ZSCAN16: variants seen among roughly 807,000 people sequenced by gnomAD.
ZSCAN16 encodes the protein zinc finger and SCAN domain-containing protein 16.
Under a neutral mutation model 19.4 loss-of-function variants are expected in ZSCAN16, and 15 were observed. The observed-to-expected ratio is 0.77, with a 90% CI of 0.52 to 1.19. The LOEUF is 1.19. Ranked by LOEUF, ZSCAN16 falls within the 50% of genes most tolerant of loss-of-function variation. The probability of loss-of-function intolerance (pLI) is 0.00; values close to 1 mark genes in which losing one functional copy is unlikely to be tolerated. For synonymous variants in ZSCAN16, 138 were observed against 146.5 expected, an observed-to-expected ratio of 0.94 and a Z score of 0.42; for missense variants, 327 against 415.7, an observed-to-expected ratio of 0.79 and a Z score of 1.86.
At position 28,126,923 on chromosome 6, in the gene ZSCAN16, T is replaced by G; in HGVS notation, c.526+2T>G. ...AAGCTGGGAAACCACAAAGGAATGG[T>G]AAGCAGGAACAGTTCTGAGTGTATG... On this transcript the variant is annotated splice_donor_variant, in intron 3 of 3. Coordinates refer to ENST00000340487, the MANE Select transcript of ZSCAN16 (RefSeq NM_025231.3). LOFTEE classifies it high-confidence loss of function. 6.4e-7 allele frequency: 1 copy of G among 1,572,936 alleles called. No individual in the cohort carries two copies. Among genetic ancestry groups the G allele is most frequent in the Non-Finnish European group, 8.7e-7 (1 of 1,153,370 alleles).
rs149838311 is a variant in ZSCAN16, at chr6:28,126,896, G to C, written c.501G>C (p.Gln167His). 2.1e-5 allele frequency: 33 copies of C among 1,581,490 alleles called. No homozygotes were observed. The highest frequency in any genetic ancestry group is 2.8e-5 in the Non-Finnish European group (32 of 1,158,714). Residue 167 changes from glutamine (Q) to histidine (H), a missense_variant, in exon 3 of 4, where the codon CAG becomes CAC. Gln to His is a conservative substitution (Grantham distance 24). Coordinates refer to ENST00000340487, the MANE Select transcript of ZSCAN16 (RefSeq NM_025231.3). ...ATCCCAAAAAGACCCAGCTGGAGCA[G>C]GAAGCTGGGAAACCACAAAGGAATG... Reference protein sequence around the residue: ...QLHPKKTQLEQEAGKPQRNGD... With the variant: ...QLHPKKTQLEHEAGKPQRNGD...
At chr6:28,128,262 G>A (rs1336916559) in intron 3 of ZSCAN16, among the ~76,000 whole-genome samples, 1 of 152,046 alleles carries the variant, frequency 6.6e-6, no homozygotes, top group African/African-American at 2.4e-5. Context: ...TTATAAGCAT[G>A]AGCCACTGTG....
Position 28,125,454 on chromosome 6 carries a change from C to CCCTGGAACCTGAGGA in ZSCAN16, c.14_28dup (p.Leu5_Asp9dup). On this transcript the variant is annotated inframe_insertion, in exon 2 of 4. Transcript: ENST00000340487. The surrounding 1 kb of genome is among the most constrained non-coding windows in gnomAD (Gnocchi z 6.2). Reference sequence around the variant, plus strand: ...CTGGCAAAGCCCAGAATGACCACAGCCCTGGAACCTGAGGACCAAAAAGGA... The same window carrying CCCTGGAACCTGAGGA: ...CTGGCAAAGCCCAGAATGACCACAGCCCTGGAACCTGAGGACCTGGAACCTGAGGACCAAAAAGGA... 1.9e-6 allele frequency: 3 copies of CCCTGGAACCTGAGGA among 1,612,650 alleles called. No individual in the cohort carries two copies. Among genetic ancestry groups the CCCTGGAACCTGAGGA allele is most frequent in the Non-Finnish European group, 2.5e-6 (3 of 1,179,288 alleles).
At chr6:28,129,277 A>C (rs917331328) in intron 3 of ZSCAN16, 153 bp from the exon 4 acceptor site, 3 of 511,956 alleles carry the variant, frequency 5.9e-6, no homozygotes, top group Non-Finnish European at 5.0e-6. Flanking sequence ...GATACCAAAA[A>C]TAAGATGGTA....
chr6:28,125,841 G>A lies in ZSCAN16; in HGVS notation c.387+11G>A. 1 of 1,577,604 alleles carries A rather than the reference G, an allele frequency of 6.3e-7. No individual in the cohort carries two copies. The highest frequency in any genetic ancestry group is 8.6e-7 in the Non-Finnish European group (1 of 1,159,646). ...GAACCTGGAAAGCAGGTGTGAAGGG[G>A]CAGTCATCTGGCTGTGAGTGATCAG... On this transcript the variant is annotated intron_variant, in intron 2 of 3. Coordinates refer to ENST00000340487, the MANE Select transcript of ZSCAN16 (RefSeq NM_025231.3). This position sits in a 1 kb window ranked among gnomAD's most constrained non-coding sequence, Gnocchi z 6.2.
At chr6:28,129,121 C>T (rs1029353856) in intron 3 of ZSCAN16, among the ~76,000 whole-genome samples, 4 of 152,154 alleles carry the variant, frequency 2.6e-5, no homozygotes, top group Non-Finnish European at 5.9e-5. Flanking sequence ...CTCATTTATC[C>T]GTCTTCCCTT....
At position 28,125,859 on chromosome 6, in the gene ZSCAN16, G is replaced by A; in HGVS notation, c.387+29G>A. On this transcript the variant is annotated intron_variant, in intron 2 of 3. Transcript: ENST00000340487. The surrounding 1 kb of genome is among the most constrained non-coding windows in gnomAD (Gnocchi z 6.2). The stretch of plus-strand genomic sequence containing the variant: ...TGAAGGGGCAGTCATCTGGCTGTGA[G>A]TGATCAGGGGATATGGATGGAGCCA... 6.5e-7 allele frequency: 1 copy of A among 1,527,356 alleles called. No homozygotes were observed. The highest frequency in any genetic ancestry group is 1.4e-5 in the African/African-American group (1 of 72,788). 94.6% of individuals were successfully genotyped at this position (1,527,356 alleles called of 1,614,324 possible).
At chr6:28,128,919 C>T (rs1407882370) in intron 3 of ZSCAN16, among the ~76,000 whole-genome samples, 1 of 152,150 alleles carries the variant, frequency 6.6e-6, no homozygotes, top group East Asian at 1.9e-4. Context: ...CAAACACACT[C>T]CCCTCCTTGG....
chr6:28,127,205 T>C (rs2113711116), intron 3 of ZSCAN16, among the ~76,000 whole-genome samples: 1 of 152,320 alleles, frequency 6.6e-6, no homozygotes, highest in South Asian at 2.1e-4. Flanking sequence ...TCCCCCTAAA[T>C]TTCCATTTTG....
intron 2 of ZSCAN16, among the ~76,000 whole-genome samples, chr6:28,126,460 A>G (rs1581503730): frequency 1.3e-5 from 2 of 152,244 alleles, no homozygotes; most frequent in East Asian, 3.8e-4. Context: ...AGTGACTACC[A>G]TATCGGATAG....
intron 3 of ZSCAN16, among the ~76,000 whole-genome samples, chr6:28,128,365 T>A: frequency 6.6e-6 from 1 of 152,226 alleles, no homozygotes; most frequent in East Asian, 1.9e-4. Flanking sequence ...ATGTAAGGAA[T>A]CCAAAGGTTA....
At position 28,125,758 on chromosome 6, in the gene ZSCAN16, T is replaced by C. The variant is rs1165339635; in HGVS notation, c.315T>C (p.His105=). Reference sequence around the variant, plus strand: ...TGCAAGCATGGGTGCGTGCACACCATCCAGAGACTGGAGAGGAGGCAGTGA... The same window carrying C: ...TGCAAGCATGGGTGCGTGCACACCACCCAGAGACTGGAGAGGAGGCAGTGA... ...KDLQAWVRAH[H]PETGEEAVTV... is the part of the protein sequence containing the mutation. The change falls in exon 2 of 4, where the codon CAT becomes CAC. Residue 105 remains histidine, a synonymous_variant. Transcript: ENST00000340487. The surrounding 1 kb of genome is among the most constrained non-coding windows in gnomAD (Gnocchi z 6.2). The C allele has an allele frequency of 6.2e-7, 1 of 1,614,054 alleles. No individual in the cohort carries two copies. Among genetic ancestry groups the C allele is most frequent in the South Asian group, 1.1e-5 (1 of 91,080 alleles).
In ZSCAN16 at chr6:28,125,355, T is replaced by C; in HGVS notation, c.-31-58T>C. 2.7e-6 allele frequency: 4 copies of C among 1,507,266 alleles called. No individual in the cohort carries two copies. The highest frequency in any genetic ancestry group is 3.5e-6 in the Non-Finnish European group (4 of 1,131,956). 93.4% of individuals were successfully genotyped at this position (1,507,266 alleles called of 1,614,324 possible). Reference sequence around the variant, plus strand: ...ATTTCTCTATGGTAACAACTTTTTATGCCTTAGGAGTGTCTCTGAGGCAGG... The same window carrying C: ...ATTTCTCTATGGTAACAACTTTTTACGCCTTAGGAGTGTCTCTGAGGCAGG... On this transcript the variant is annotated intron_variant, in intron 1 of 3. Transcript: ENST00000340487. The surrounding 1 kb of genome is among the most constrained non-coding windows in gnomAD (Gnocchi z 6.2).
intron 3 of ZSCAN16, among the ~76,000 whole-genome samples, chr6:28,128,217 T>C (rs924372998): frequency 1.3e-5 from 2 of 152,102 alleles, no homozygotes; most frequent in African/African-American, 4.8e-5. Flanking sequence ...TGGGCTCAAG[T>C]GATCTTTCCA....
chr6:28,125,744 G>A lies in ZSCAN16; in HGVS notation c.301G>A (p.Val101Met), dbSNP rs762898429. 2.5e-6 allele frequency: 4 copies of A among 1,614,182 alleles called. No individual in the cohort carries two copies. The South Asian group carries it at 4.4e-5, about 18-fold the overall frequency. Residue 101 changes from valine to methionine, a missense_variant, in exon 2 of 4, where the codon GTG becomes ATG. Val to Met is a conservative substitution (Grantham distance 21). Coordinates refer to ENST00000340487, the MANE Select transcript of ZSCAN16 (RefSeq NM_025231.3). This position sits in a 1 kb window ranked among gnomAD's most constrained non-coding sequence, Gnocchi z 6.2. ...TCTTCCTAAAGACCTGCAAGCATGG[G>A]TGCGTGCACACCATCCAGAGACTGG... Reference protein sequence around the residue: ...SILPKDLQAWVRAHHPETGEE... With the variant: ...SILPKDLQAWMRAHHPETGEE...
Position 28,129,764 on chromosome 6 carries a change from G to A in ZSCAN16, c.861G>A (p.Thr287=), listed in dbSNP as rs142666616. 176 of 1,613,940 alleles carry A rather than the reference G, an allele frequency of 1.1e-4. No individual in the cohort carries two copies. Among genetic ancestry groups the A allele is most frequent in the South Asian group, 4.2e-4 (38 of 91,074 alleles). The change falls in exon 4 of 4, where the codon ACG becomes ACA. Residue 287 remains threonine, a synonymous_variant. Transcript: ENST00000340487. ...SHLIGHHRVH[T]GVKPYKCKEC... Reference sequence around the variant, plus strand: ...TCATTGGACATCATAGAGTACACACGGGAGTAAAACCCTATAAATGTAAAG... The same window carrying A: ...TCATTGGACATCATAGAGTACACACAGGAGTAAAACCCTATAAATGTAAAG...
chr6:28,126,963 T>G, intron 3 of ZSCAN16, 42 bp downstream of exon 3: 1 of 1,391,568 alleles, frequency 7.2e-7, no homozygotes, highest in Admixed American at 2.6e-5. Flanking sequence ...TAGAGGTACT[T>G]CCTTAGGTTA....
At position 28,125,689 on chromosome 6, in the gene ZSCAN16, C is replaced by A. The variant is rs557759664; in HGVS notation, c.246C>A (p.Asp82Glu). ...GCCACACCAAGGAGCAGATTTTAGA[C>A]CTGCTGGTGCTAGAACAGTTCCTGA... ...PECHTKEQIL[D>E]LLVLEQFLSI... The change falls in exon 2 of 4, where the codon GAC (aspartate) becomes GAA (glutamate). Residue 82 changes from aspartate (D) to glutamate (E), a missense_variant. By Grantham distance (45) the Asp-to-Glu change is conservative. Transcript: ENST00000340487. This position sits in a 1 kb window ranked among gnomAD's most constrained non-coding sequence, Gnocchi z 6.2. The A allele has an allele frequency of 6.2e-6, 10 of 1,614,236 alleles. No individual in the cohort carries two copies. In the East Asian group the frequency reaches 2.2e-4, roughly 36 times the overall value.
chr6:28,129,109 C>T (rs574353433), intron 3 of ZSCAN16, among the ~76,000 whole-genome samples: 5 of 152,244 alleles, frequency 3.3e-5, no homozygotes, highest in Non-Finnish European at 5.9e-5. Context: ...ATCTATAGTC[C>T]CCTCATTTAT....
Sources: allele counts gnomAD v4.1 joint callset (sites outside exome capture counted in the v4.1 genomes callset), GRCh38; gene constraint gnomAD v4.1.1; non-coding constraint Gnocchi (gnomAD v3.1); transcripts MANE v1.5; gene names NCBI Gene and HGNC (gene_info 2026-07-23, HGNC 2026-07-21).